AKAP12: variants seen among roughly 807,000 people sequenced by gnomAD.
AKAP12 encodes the protein A-kinase anchor protein 12.
AKAP12 carries 32 observed loss-of-function variants against 79.9 expected under a neutral mutation model. The ratio of observed to expected loss-of-function variants is 0.40; its 90% CI spans 0.30 to 0.54. The LOEUF is 0.54. Among genes scored for constraint, AKAP12 ranks in the 20% least tolerant of loss-of-function variants. The pLI is 0.48. For synonymous variants in AKAP12, 808 were observed against 857.0 expected, an observed-to-expected ratio of 0.94 and a Z score of 1.00; for missense variants, 2,074 against 2,177.0, an observed-to-expected ratio of 0.95 and a Z score of 0.94.
chr6:151,282,639 G>A lies in AKAP12; in HGVS notation c.163-23108G>A, dbSNP rs1776432552. 2.0e-5 allele frequency among the ~76,000 whole-genome samples: 3 copies of A among 152,154 alleles called. No individual in the cohort carries two copies. The South Asian group carries it at 6.2e-4, about 32-fold the overall frequency. On this transcript the variant is annotated intron_variant, in intron 2 of 4. Transcript: ENST00000402676. ...GCGGGGGAAGGATGTAGCCAGAGGA[G>A]GGCCAGAATGGGGCTCTCCGCAGTG... is the stretch of plus-strand genomic sequence containing the variant.
chr6:151,299,725 A>C (rs1776815001), intron 2 of AKAP12, among the ~76,000 whole-genome samples: 1 of 149,588 alleles, frequency 6.7e-6, no homozygotes, highest in Admixed American at 6.7e-5. Context: ...TCATAATTTA[A>C]CTACTCCCCT....
At chr6:151,353,813 T>C in intron 4 of AKAP12, 61 bp downstream of exon 4, 1 of 1,207,008 alleles carries the variant, frequency 8.3e-7, no homozygotes. Context: ...GGCAAATTTG[T>C]TACATAAGGA....
chr6:151,321,997 C>G (rs1452935810), intron 3 of AKAP12, among the ~76,000 whole-genome samples: 1 of 151,260 alleles, frequency 6.6e-6, no homozygotes, highest in African/African-American at 2.4e-5. Context: ...CAACCTCCAC[C>G]CCTCTGGGTT....
intron 2 of AKAP12, among the ~76,000 whole-genome samples, chr6:151,281,012 T>C (rs1776396167): frequency 6.6e-6 from 1 of 152,182 alleles, no homozygotes; most frequent in Non-Finnish European, 1.5e-5. Flanking sequence ...TGTTTAAATT[T>C]ACCAGTAAAC....
Position 151,357,016 on chromosome 6 carries a change from A to AT in AKAP12, c.*1309dup, listed in dbSNP as rs1307751612. On this transcript the variant is annotated 3_prime_UTR_variant, in exon 5 of 5. Coordinates refer to ENST00000402676, the MANE Select transcript of AKAP12 (RefSeq NM_005100.4). ...CATCTGGTAATTCCTGAAAATGTCA[A>AT]TTTTTTTGTGTTAATATTTTTGGTT... 2.0e-5 allele frequency: 3 copies of AT among 152,308 alleles called. No individual in the cohort carries two copies. The highest frequency in any genetic ancestry group is 4.8e-5 in the African/African-American group (2 of 41,570). The allele number at this position is 152,308 out of a possible 1,614,324, so 9.4% of individuals were successfully genotyped here.
chr6:151,261,512 G>A (rs1021193724), intron 2 of AKAP12, among the ~76,000 whole-genome samples: 2 of 151,620 alleles, frequency 1.3e-5, no homozygotes, highest in Non-Finnish European at 2.9e-5. Context: ...AATACAACCC[G>A]TCTCTAAAAA....
At chr6:151,336,028 CT>C (rs1375651868) in intron 3 of AKAP12, among the ~76,000 whole-genome samples, 3 of 152,178 alleles carry the variant, frequency 2.0e-5, no homozygotes, top group African/African-American at 7.2e-5. Flanking sequence ...ATTTTACTTT[CT>C]GTTTCTGAGT....
At chr6:151,291,007 A>G (rs1160750892) in intron 2 of AKAP12, among the ~76,000 whole-genome samples, 2 of 152,098 alleles carry the variant, frequency 1.3e-5, no homozygotes, top group Non-Finnish European at 2.9e-5. Context: ...CCTTACCTGC[A>G]TAGAAACTCC....
chr6:151,346,425 G>C (rs990540853), intron 3 of AKAP12, among the ~76,000 whole-genome samples: 5 of 151,654 alleles, frequency 3.3e-5, no homozygotes, highest in Admixed American at 6.6e-5. Flanking sequence ...GTTTCTGCTG[G>C]ATTTTCATCC....
At chr6:151,281,414 G>A (rs192051842) in intron 2 of AKAP12, among the ~76,000 whole-genome samples, 159 of 152,292 alleles carry the variant, frequency 1.0e-3, no homozygotes, top group Middle Eastern at 3.4e-3. Flanking sequence ...CTGTAATTCT[G>A]TAGGTCTATG....
At chr6:151,264,670 CAAA>C (rs11300375) in intron 2 of AKAP12, among the ~76,000 whole-genome samples, 3 of 95,976 alleles carry the variant, frequency 3.1e-5, no homozygotes, top group Non-Finnish European at 2.6e-5. Context: ...GACTTCATCT[CAAA>C]AAAAAAAAAA....
At chr6:151,345,926 TGTGTGTGAGAGAGAGAGAGAGA>T (rs1340399256) in intron 3 of AKAP12, among the ~76,000 whole-genome samples, 1 of 107,492 alleles carries the variant, frequency 9.3e-6, no homozygotes, top group African/African-American at 3.1e-5. Context: ...TGTGTGTGTG[TGTGTGTGAGAGAGAGAGAGAGA>T]GAGAGAGAGA....
At chr6:151,321,354 C>G (rs952651852) in intron 3 of AKAP12, among the ~76,000 whole-genome samples, 4 of 152,166 alleles carry the variant, frequency 2.6e-5, no homozygotes, top group Non-Finnish European at 5.9e-5. Context: ...CCCGCCAAAA[C>G]CCCCAGTCTT....
intron 2 of AKAP12, among the ~76,000 whole-genome samples, chr6:151,304,223 C>T (rs1415522735): frequency 6.6e-6 from 1 of 151,962 alleles, no homozygotes; most frequent in Admixed American, 6.6e-5. Context: ...GGCACAGTGG[C>T]TCACACCTGT....
intron 2 of AKAP12, among the ~76,000 whole-genome samples, chr6:151,295,109 G>A (rs1776696433): frequency 6.6e-6 from 1 of 152,146 alleles, no homozygotes; most frequent in Non-Finnish European, 1.5e-5. Flanking sequence ...CTCAGAGACC[G>A]GTTTGATAAA....
At chr6:151,329,121 G>A (rs1046210276) in intron 3 of AKAP12, among the ~76,000 whole-genome samples, 7 of 106,224 alleles carry the variant, frequency 6.6e-5, no homozygotes, top group African/African-American at 4.8e-4. Flanking sequence ...GCATAAAAAT[G>A]CCTTTTTTTT....
chr6:151,320,985 T>TTTC (rs1290462432), intron 3 of AKAP12, among the ~76,000 whole-genome samples: 1 of 151,676 alleles, frequency 6.6e-6, no homozygotes, highest in Non-Finnish European at 1.5e-5. Context: ...TTTTCTTTTC[T>TTTC]TTCTTTCTTT....
intron 2 of AKAP12, among the ~76,000 whole-genome samples, chr6:151,277,443 G>A (rs186192617): frequency 4.3e-4 from 65 of 152,266 alleles, no homozygotes; most frequent in Admixed American, 3.3e-4. Context: ...ATGGTAAGGC[G>A]TATTGTTTCT....
chr6:151,317,176 A>G (rs950225383), intron 3 of AKAP12, among the ~76,000 whole-genome samples: 1 of 152,220 alleles, frequency 6.6e-6, no homozygotes, highest in Admixed American at 6.5e-5. Context: ...GCTCTGAACC[A>G]GGAGCCTACC....
Sources: allele counts gnomAD v4.1 joint callset (sites outside exome capture counted in the v4.1 genomes callset), GRCh38; gene constraint gnomAD v4.1.1; transcripts MANE v1.5; gene names NCBI Gene and HGNC (gene_info 2026-07-23, HGNC 2026-07-21).